RAB1A: variants seen among roughly 807,000 people sequenced by gnomAD.
RAB1A encodes the protein ras-related protein Rab-1A.
A neutral mutation model predicts 26.0 loss-of-function variants in RAB1A; 2 were observed. The ratio of observed to expected loss-of-function variants is 0.08; its 90% CI spans 0.03 to 0.24. The LOEUF is 0.24. RAB1A is among the 10% of genes least tolerant of loss of function. The pLI is 1.00. For synonymous variants in RAB1A, 84 were observed against 84.9 expected (o/e 0.99, Z 0.06); for missense variants, 100 against 247.0 (o/e 0.40, Z 3.99).
chr2:65,128,470 T>A (rs10197530), intron 1 of RAB1A, among the ~76,000 whole-genome samples: 108,299 of 151,548 alleles, frequency 0.71, 39,066 homozygotes, highest in African/African-American at 0.8. Flanking sequence ...TGAAAAAAAA[T>A]TTTTTTTAAA....
intron 4 of RAB1A, among the ~76,000 whole-genome samples, chr2:65,090,642 C>T (rs1164483484): frequency 1.3e-5 from 2 of 152,188 alleles, no homozygotes; most frequent in African/African-American, 4.8e-5. Context: ...CCTGTTAATA[C>T]TTAACACCAA....
intron 1 of RAB1A, chr2:65,114,140 G>C (rs1669769177): frequency 4.3e-6 from 2 of 468,234 alleles, no homozygotes; most frequent in African/African-American, 2.0e-5. Context: ...TTAAATTCTG[G>C]GTTAAATGAG....
chr2:65,125,050 CAA>C (rs66712908), intron 1 of RAB1A, among the ~76,000 whole-genome samples: 23 of 130,210 alleles, frequency 1.8e-4, no homozygotes, highest in Admixed American at 3.1e-4. Context: ...ACAATGCAAG[CAA>C]AAAAAAAAAA....
rs1056324931 is a variant in RAB1A, at chr2:65,112,878, C to T, written c.24-8072G>A. 5.9e-5 allele frequency among the ~76,000 whole-genome samples: 9 copies of T among 152,084 alleles called. No individual in the cohort carries two copies. The South Asian group carries it at 6.2e-4, about 11-fold the overall frequency. On this transcript the variant is annotated intron_variant, in intron 1 of 5. Transcript: ENST00000409784. ...CAAAAGCAATAAGGTACAGTAAGGA[C>T]GAGTTTTATTCTACTCAGTTTGCAT...
At chr2:65,120,823 C>CTAT (rs2103878587) in intron 1 of RAB1A, among the ~76,000 whole-genome samples, 1 of 152,140 alleles carries the variant, frequency 6.6e-6, no homozygotes, top group African/African-American at 2.4e-5. Context: ...CACTTAAGTA[C>CTAT]TATTATTATA....
chr2:65,114,801 C>A (rs562354227), intron 1 of RAB1A, among the ~76,000 whole-genome samples: 2 of 151,522 alleles, frequency 1.3e-5, no homozygotes, highest in Non-Finnish European at 2.9e-5. Flanking sequence ...GCCGAGATTG[C>A]GCCACTGCAG....
chr2:65,117,603 G>T (rs1239718542), intron 1 of RAB1A, among the ~76,000 whole-genome samples: 1 of 152,102 alleles, frequency 6.6e-6, no homozygotes, highest in African/African-American at 2.4e-5. Context: ...CTCTCACTCT[G>T]TCACCTAGGC....
intron 1 of RAB1A, among the ~76,000 whole-genome samples, chr2:65,124,402 C>A (rs938222131): frequency 6.6e-6 from 1 of 151,992 alleles, no homozygotes; most frequent in Admixed American, 6.6e-5. Context: ...GAGGCACAGT[C>A]GCTACAAAAA....
At chr2:65,125,160 G>A (rs1670068290) in intron 1 of RAB1A, among the ~76,000 whole-genome samples, 1 of 151,998 alleles carries the variant, frequency 6.6e-6, no homozygotes, top group Non-Finnish European at 1.5e-5. Context: ...ATACTTAAGG[G>A]GATGGGGGCT....
At chr2:65,114,159 G>C (rs746556534) in intron 1 of RAB1A, 1 of 452,502 alleles carries the variant, frequency 2.2e-6, no homozygotes, top group Admixed American at 2.7e-5. Context: ...AGAATATACT[G>C]TTTTCTTCTT....
In RAB1A at chr2:65,107,550, G is replaced by A. The variant is rs138089487; in HGVS notation, c.24-2744C>T. ...CGCCCAGGCTGGAGTGCAGTGGCTC[G>A]ATCTCGATTCACTGCAACCTCTGCC... On this transcript the variant is annotated intron_variant, in intron 1 of 5. Transcript: ENST00000409784. 1.8e-3 allele frequency among the ~76,000 whole-genome samples: 275 copies of A among 152,030 alleles called. 1 individual carries two copies. The highest frequency in any genetic ancestry group is 0.01 in the Middle Eastern group (3 of 294).
intron 3 of RAB1A, among the ~76,000 whole-genome samples, chr2:65,094,145 T>A (rs774872503): frequency 6.6e-6 from 1 of 151,976 alleles, no homozygotes; most frequent in Non-Finnish European, 1.5e-5. Context: ...GAATTTTGTG[T>A]TTTTGGTAGA....
At chr2:65,129,207 A>AAC (rs1406530170) in intron 1 of RAB1A, among the ~76,000 whole-genome samples, 3 of 151,744 alleles carry the variant, frequency 2.0e-5, no homozygotes, top group East Asian at 1.9e-4. Flanking sequence ...TTAAAAAAAA[A>AAC]AAAAACAAAA....
At chr2:65,121,448 A>G (rs1669963004) in intron 1 of RAB1A, among the ~76,000 whole-genome samples, 1 of 152,142 alleles carries the variant, frequency 6.6e-6, no homozygotes, top group African/African-American at 2.4e-5. Context: ...GGATTTAATA[A>G]AGCAGTGTAG....
At chr2:65,106,345 C>A in intron 1 of RAB1A, 1 of 312,770 alleles carries the variant, frequency 3.2e-6, no homozygotes, top group Non-Finnish European at 6.3e-6. Flanking sequence ...AAAGTGAAAA[C>A]CACGTCACAA....
chr2:65,118,211 A>C (rs1005940770), intron 1 of RAB1A, among the ~76,000 whole-genome samples: 1 of 152,156 alleles, frequency 6.6e-6, no homozygotes, highest in Admixed American at 6.6e-5. Context: ...AACATAACTA[A>C]AACTTTCTGT....
At chr2:65,123,810 A>G (rs758153081) in intron 1 of RAB1A, among the ~76,000 whole-genome samples, 13 of 151,714 alleles carry the variant, frequency 8.6e-5, no homozygotes, top group Admixed American at 2.0e-4. Flanking sequence ...ACAAAGTGAG[A>G]CTCTGTCTCA....
chr2:65,096,480 A>G (rs542755909), intron 3 of RAB1A, among the ~76,000 whole-genome samples: 77 of 152,238 alleles, frequency 5.1e-4, no homozygotes, highest in Admixed American at 1.6e-3. Flanking sequence ...ACACACGAAT[A>G]CACACCCAAA....
intron 1 of RAB1A, among the ~76,000 whole-genome samples, chr2:65,128,368 G>C (rs1292139045): frequency 1.3e-5 from 2 of 152,044 alleles, no homozygotes; most frequent in Non-Finnish European, 2.9e-5. Flanking sequence ...GTAAATCCAT[G>C]TTCTTTATTG....
Sources: allele counts gnomAD v4.1 joint callset (sites outside exome capture counted in the v4.1 genomes callset), GRCh38; gene constraint gnomAD v4.1.1; transcripts MANE v1.5; gene names NCBI Gene and HGNC (gene_info 2026-07-23, HGNC 2026-07-21).